Variants in FBXW8 observed in about 807,000 individuals in gnomAD.
The protein encoded by FBXW8 is F-box and WD repeat domain containing 8, also known as F-box/WD repeat-containing protein 8.
A neutral mutation model predicts 65.3 loss-of-function variants in FBXW8; 57 were observed. The observed-to-expected ratio is 0.87, with a 90% CI of 0.71 to 1.09. The LOEUF (loss-of-function observed/expected upper bound fraction) is 1.09. Among genes scored for constraint, FBXW8 ranks in the 50% least tolerant of loss-of-function variants. FBXW8 has a pLI of 0.00. For synonymous variants in FBXW8, 308 were observed against 330.2 expected (o/e 0.93, Z 0.73); for missense variants, 777 against 814.8 (o/e 0.95, Z 0.57).
In FBXW8 at chr12:117,024,357, T is replaced by C; in HGVS notation, c.1541+37T>C. 5.6e-6 allele frequency: 9 copies of C among 1,611,156 alleles called. No homozygotes were observed. In the South Asian group the frequency reaches 9.9e-5, roughly 18 times the overall value. On this transcript the variant is annotated intron_variant, in intron 9 of 10. Transcript: ENST00000652555. ...TCTAGACACTCTTGGGAGTTCCTAG[T>C]AGGAACAGGGAAGGCAGCACTAATC...
chr12:117,024,421 C>T, intron 9 of FBXW8, 101 bp downstream of exon 9: 2 of 1,377,146 alleles, frequency 1.5e-6, no homozygotes, highest in Non-Finnish European at 2.0e-6. Context: ...CCCCTACCCC[C>T]CGGCTTCGCC....
At chr12:116,964,960 G>A (rs1884225021) in intron 5 of FBXW8, 106 bp downstream of exon 5, 2 of 1,143,332 alleles carry the variant, frequency 1.7e-6, no homozygotes, top group Non-Finnish European at 2.4e-6. Context: ...TGTACACGTG[G>A]GCACACACAC....
chr12:116,978,298 T>C (rs1290245957), intron 5 of FBXW8: 1 of 152,256 alleles, frequency 6.6e-6, no homozygotes, highest in East Asian at 1.9e-4. Context: ...CAAAAACTTT[T>C]GTCCTGTCCA....
chr12:117,012,010 T>A lies in FBXW8; in HGVS notation c.1367+1560T>A, dbSNP rs1012982616. Among the ~76,000 whole-genome samples, 6 of 152,314 alleles carry A rather than the reference T, an allele frequency of 3.9e-5. No individual in the cohort carries two copies. In the South Asian group the frequency reaches 1.2e-3, roughly 32 times the overall value. ...GAGATGGTTTTTAATGGAGGATGTG[T>A]GTAGGTTATATGCAAATACCACACC... On this transcript the variant is annotated intron_variant, in intron 8 of 10. Coordinates refer to ENST00000652555, the MANE Select transcript of FBXW8 (RefSeq NM_153348.3).
intron 5 of FBXW8, among the ~76,000 whole-genome samples, chr12:116,971,591 C>T (rs1435955096): frequency 6.6e-6 from 1 of 152,082 alleles, no homozygotes; most frequent in East Asian, 1.9e-4. Flanking sequence ...GATACATGCT[C>T]TGGGTAGAAT....
intron 1 of FBXW8, among the ~76,000 whole-genome samples, chr12:116,917,034 A>G (rs543035159): frequency 4.6e-5 from 7 of 152,184 alleles, no homozygotes; most frequent in Non-Finnish European, 8.8e-5. Flanking sequence ...CCCAGTGGCC[A>G]GATGCAATGG....
intron 1 of FBXW8, among the ~76,000 whole-genome samples, chr12:116,921,477 C>T (rs1880897334): frequency 6.6e-6 from 1 of 152,084 alleles, no homozygotes; most frequent in Admixed American, 6.6e-5. Context: ...TTTGGAGTAC[C>T]TTAGGGGACG....
rs145823135 is a variant in FBXW8, at chr12:116,949,687, G to A, written c.658G>A (p.Asp220Asn). ...DTVLCDVHSHDGVVIAGYTSG... is the reference protein window; with the variant it reads ...DTVLCDVHSHNGVVIAGYTSG... ...AGTTTTGTGTGATGTGCATTCTCAC[G>A]ATGGTGTGGTCATTGCGGGGTAAGC... The change falls in exon 4 of 11, where the codon GAT (aspartate) becomes AAT (asparagine). Residue 220 changes from aspartate to asparagine, a missense_variant. Asp to Asn is a conservative substitution (Grantham distance 23, BLOSUM62 1). Transcript: ENST00000652555. 40 of 1,614,178 alleles carry A rather than the reference G, an allele frequency of 2.5e-5. No individual in the cohort carries two copies. Among genetic ancestry groups the A allele is most frequent in the African/African-American group, 1.9e-4 (14 of 75,046 alleles).
intron 2 of FBXW8, among the ~76,000 whole-genome samples, chr12:116,930,779 T>G (rs938771513): frequency 6.6e-6 from 1 of 152,210 alleles, no homozygotes; most frequent in Non-Finnish European, 1.5e-5. Context: ...TCAAGTCTTA[T>G]GTTTAAGATT....
intron 5 of FBXW8, among the ~76,000 whole-genome samples, chr12:116,982,964 G>A (rs1192078420): frequency 6.6e-6 from 1 of 152,136 alleles, no homozygotes; most frequent in African/African-American, 2.4e-5. Flanking sequence ...GACGTACCAA[G>A]TCATGACATA....
intron 5 of FBXW8, among the ~76,000 whole-genome samples, chr12:116,982,664 A>G (rs968384467): frequency 6.7e-6 from 1 of 148,682 alleles, no homozygotes; most frequent in Non-Finnish European, 1.5e-5. Flanking sequence ...TTCTCAGGAT[A>G]GCTCTGTGCT....
In FBXW8 at chr12:116,952,265, CTG is replaced by C. The variant is rs369090312; in HGVS notation, c.677+2562_677+2563del. Among the ~76,000 whole-genome samples the C allele has an allele frequency of 9.2e-5, 14 of 152,290 alleles. No homozygotes were observed. The East Asian group carries it at 2.7e-3, about 29-fold the overall frequency. On this transcript the variant is annotated intron_variant, in intron 4 of 10. Coordinates refer to ENST00000652555, the MANE Select transcript of FBXW8 (RefSeq NM_153348.3). ...CCACCTGGGTTTGTGTAAGAACACTCTGTGATGTTTGCACAAATGATAAATTC... is the reference window on the plus strand; with the variant it reads ...CCACCTGGGTTTGTGTAAGAACACTCTGATGTTTGCACAAATGATAAATTC...
intron 5 of FBXW8, among the ~76,000 whole-genome samples, chr12:116,974,028 C>G (rs1206177646): frequency 1.3e-5 from 2 of 152,152 alleles, no homozygotes; most frequent in African/African-American, 4.8e-5. Flanking sequence ...GGAGAACAAA[C>G]ATGGTGAGGC....
chr12:116,912,170 TG>T (rs1880001503), intron 1 of FBXW8, among the ~76,000 whole-genome samples: 1 of 70,886 alleles, frequency 1.4e-5, no homozygotes, highest in Non-Finnish European at 3.8e-5. Flanking sequence ...TTTTTTTTCC[TG>T]TTTTTTTTTT....
At chr12:116,987,195 GT>G (rs1438223758) in intron 6 of FBXW8, 1 of 152,360 alleles carries the variant, frequency 6.6e-6, no homozygotes. Flanking sequence ...TATTAGCAGA[GT>G]CCCCCGGATG....
At chr12:116,959,399 A>G (rs1475356111) in intron 4 of FBXW8, among the ~76,000 whole-genome samples, 6 of 152,144 alleles carry the variant, frequency 3.9e-5, no homozygotes, top group African/African-American at 1.4e-4. Context: ...GATTGAGAAA[A>G]ACCTGGGGCA....
At chr12:117,014,700 A>G (rs530997332) in intron 8 of FBXW8, among the ~76,000 whole-genome samples, 5 of 152,238 alleles carry the variant, frequency 3.3e-5, no homozygotes, top group Non-Finnish European at 5.9e-5. Context: ...AAGCTGTTCA[A>G]TTTCTATGCT....
intron 7 of FBXW8, among the ~76,000 whole-genome samples, chr12:116,999,668 GTAAGGCCCCGGTGCCCA>G (rs1953463220): frequency 6.6e-6 from 1 of 152,118 alleles, no homozygotes. Context: ...AGGAGCATGG[GTAAGGCCCCGGTGCCCA>G]TCTTCAGCCT....
intron 2 of FBXW8, among the ~76,000 whole-genome samples, chr12:116,945,150 A>G (rs192837486): frequency 8.5e-5 from 13 of 152,344 alleles, no homozygotes; most frequent in Admixed American, 7.2e-4. Context: ...CTAAAATGTG[A>G]TATTACATGG....
Sources: gnomAD v4.1 joint callset for allele counts (sites outside exome capture counted in the v4.1 genomes callset) on GRCh38, gnomAD v4.1.1 for gene constraint, MANE v1.5 for transcripts, NCBI Gene and HGNC (gene_info 2026-07-23, HGNC 2026-07-21) for gene names.